Variants in SRP14 observed in about 807,000 individuals in gnomAD.
SRP14 encodes the protein signal recognition particle 14 kDa protein.
SRP14 carries 1 observed loss-of-function variant against 16.0 expected under a neutral mutation model. That is an observed-to-expected ratio of 0.06 (90% CI 0.02 to 0.30). The LOEUF (loss-of-function observed/expected upper bound fraction) is 0.30, where lower values mean the gene tolerates loss of function less well. Among genes scored for constraint, SRP14 ranks in the 10% least tolerant of loss-of-function variants. The probability of loss-of-function intolerance (pLI) is 1.00; values close to 1 mark genes in which losing one functional copy is unlikely to be tolerated. For synonymous variants in SRP14, 67 were observed against 60.1 expected (o/e 1.12, Z -0.53); for missense variants, 120 against 163.1 (o/e 0.74, Z 1.44).
Position 40,036,697 on chromosome 15 carries a change from T to C in SRP14, c.244-197A>G, listed in dbSNP as rs960770195. 5 of 684,682 alleles carry C rather than the reference T, an allele frequency of 7.3e-6. No individual in the cohort carries two copies. In the African/African-American group the frequency reaches 8.9e-5, roughly 12 times the overall value. The allele number at this position is 684,682 out of a possible 1,614,324, so 42.4% of individuals were successfully genotyped here. On this transcript the variant is annotated intron_variant, in intron 4 of 4. Transcript: ENST00000267884. ...AGCTTCTGCAACACCCACAGACAGTTGCACACATTTTTTACGTTTTTTTCC... is the reference window on the plus strand; with the variant it reads ...AGCTTCTGCAACACCCACAGACAGTCGCACACATTTTTTACGTTTTTTTCC...
In SRP14 at chr15:40,037,279, GAA is replaced by G. The variant is rs3215044; in HGVS notation, c.211-263_211-262del. ...TGAAAGGCAGTAGGCTCCTTTTGGG[GAA>G]AAAAAAAAAAAAAGCTTTGTTTCTC... is the stretch of plus-strand genomic sequence containing the variant. On this transcript the variant is annotated intron_variant, in intron 3 of 4. Transcript: ENST00000267884. The G allele has an allele frequency of 1.4e-3, 1,035 of 746,472 alleles. 2 individuals carry two copies. Among genetic ancestry groups the G allele is most frequent in the East Asian group, 8.2e-3 (91 of 11,100 alleles). 46.2% of individuals were successfully genotyped at this position (746,472 alleles called of 1,614,324 possible).
At chr15:40,037,131 ACTT>A (rs1298683054) in intron 3 of SRP14, 113 bp from the exon 4 acceptor site, 1 of 1,316,882 alleles carries the variant, frequency 7.6e-7, no homozygotes, top group African/African-American at 1.5e-5. Flanking sequence ...TCTTTAAAAT[ACTT>A]CTCCCCAACT....
Position 40,036,989 on chromosome 15 carries a change from C to T in SRP14, c.240G>A (p.Gln80=). The T allele has an allele frequency of 6.2e-7, 1 of 1,614,014 alleles. No individual in the cohort carries two copies. Among genetic ancestry groups the T allele is most frequent in the African/African-American group, 1.3e-5 (1 of 75,018 alleles). The change falls in exon 4 of 5, where the codon CAG becomes CAA. Residue 80 remains glutamine (Q), a synonymous_variant. Coordinates refer to ENST00000267884, the MANE Select transcript of SRP14 (RefSeq NM_003134.6). ...ATAAGGAACACCCAAAACTCACCAT[C>T]TGAAACTTATTCACTTCCTTGGAGC... ...VVSSKEVNKF[Q]MAYSNLLRAN...
At position 40,038,268 on chromosome 15, in the gene SRP14, G is replaced by A. The variant is rs1273643542; in HGVS notation, c.210+14C>T. 5 of 1,585,108 alleles carry A rather than the reference G, an allele frequency of 3.2e-6. No homozygotes were observed. The highest frequency in any genetic ancestry group is 4.3e-6 in the Non-Finnish European group (5 of 1,153,896). Reference sequence around the variant, plus strand: ...CTTTACATTTCAAAAGACAGCCTTAGAAATTAAGCTCACCACAGTGCTGAT... The same window carrying A: ...CTTTACATTTCAAAAGACAGCCTTAAAAATTAAGCTCACCACAGTGCTGAT... On this transcript the variant is annotated intron_variant, in intron 3 of 4. Transcript: ENST00000267884.
chr15:40,036,707 T>C, intron 4 of SRP14: 1 of 664,036 alleles, frequency 1.5e-6, no homozygotes, highest in East Asian at 2.7e-5. Context: ...TGCACACATT[T>C]TTTACGTTTT....
At chr15:40,036,675 T>G in intron 4 of SRP14, 175 bp from the exon 5 acceptor site, 1 of 728,054 alleles carries the variant, frequency 1.4e-6, no homozygotes, top group Non-Finnish European at 2.3e-6. Context: ...TTATAGCAGC[T>G]TCTGCAACAC....
chr15:40,038,438 G>A, intron 2 of SRP14, 44 bp from the exon 3 acceptor site: 1 of 1,339,742 alleles, frequency 7.5e-7, no homozygotes, highest in South Asian at 1.2e-5. Flanking sequence ...CGCGTACGTG[G>A]CTGAGCGGCA....
rs2035636970 is a variant in SRP14, at chr15:40,037,103, C to CG, written c.211-86dup. 10 of 1,466,258 alleles carry CG rather than the reference C, an allele frequency of 6.8e-6. 1 individual carries two copies. In the Admixed American group the frequency reaches 2.1e-4, roughly 30 times the overall value. 90.8% of individuals were successfully genotyped at this position (1,466,258 alleles called of 1,614,324 possible). On this transcript the variant is annotated intron_variant, in intron 3 of 4. Transcript: ENST00000267884. Reference sequence around the variant, plus strand: ...CCCCAGATAGTATCTCAAAAGCCTCCGGAAGACAATATCCTTATCTTTAAA... The same window carrying CG: ...CCCCAGATAGTATCTCAAAAGCCTCCGGGAAGACAATATCCTTATCTTTAAA...
intron 3 of SRP14, 130 bp downstream of exon 3, chr15:40,038,152 G>A (rs1367847253): frequency 1.4e-6 from 1 of 704,252 alleles, no homozygotes; most frequent in Admixed American, 2.6e-5. Flanking sequence ...GTATAGGAAG[G>A]TCCTGGTCTC....
rs1289029516 is a variant in SRP14, at chr15:40,036,398, C to T, written c.346G>A (p.Ala116Thr). ...GGTGCTGTTGCTGCTGCGGCAGGTG[C>T]TGCTGCTGCTGCTGCTGCTGCTGCT... ...TKAAAAAAAA[A>T]PAAAATAPTT... The change falls in exon 5 of 5, where the codon GCA becomes ACA. Residue 116 changes from alanine to threonine, a missense_variant. By Grantham distance (58) the Ala-to-Thr change is moderately conservative (BLOSUM62 0). This residue lies in a region of SRP14 where 43 missense variants were observed against 37.0 expected (regional missense o/e 1.16). Coordinates refer to ENST00000267884, the MANE Select transcript of SRP14 (RefSeq NM_003134.6). 15 of 1,135,232 alleles carry T rather than the reference C, an allele frequency of 1.3e-5. No individual in the cohort carries two copies. Among genetic ancestry groups the T allele is most frequent in the South Asian group, 3.1e-5 (2 of 64,590 alleles). 70.3% of individuals were successfully genotyped at this position (1,135,232 alleles called of 1,614,324 possible).
At chr15:40,038,104 T>C (rs1317514454) in intron 3 of SRP14, among the ~76,000 whole-genome samples, 178 bp downstream of exon 3, 1 of 152,266 alleles carries the variant, frequency 6.6e-6, no homozygotes, top group Non-Finnish European at 1.5e-5. Flanking sequence ...GTCTGACCTC[T>C]ACCTTCTTAT....
In SRP14 at chr15:40,036,308, G is replaced by T. The variant is rs1469826405; in HGVS notation, c.*25C>A. ...AAAAATAGCAATTCAGTGGTTAATT[G>T]GTGAAAGCAGGAAATGTATGCCCTT... On this transcript the variant is annotated 3_prime_UTR_variant, in exon 5 of 5. Transcript: ENST00000267884. The T allele has an allele frequency of 6.2e-7, 1 of 1,610,706 alleles. No homozygotes were observed. The highest frequency in any genetic ancestry group is 1.7e-4 in the Middle Eastern group (1 of 6,048).
intron 3 of SRP14, chr15:40,037,325 G>T: frequency 8.2e-7 from 1 of 1,214,732 alleles, no homozygotes; most frequent in Non-Finnish European, 1.1e-6. Context: ...AAATCCCTTA[G>T]AAAGGTGGCA....
In SRP14 at chr15:40,039,095, G is replaced by C; in HGVS notation, c.22C>G (p.Gln8Glu). 6.2e-7 allele frequency: 1 copy of C among 1,612,624 alleles called. No individual in the cohort carries two copies. Among genetic ancestry groups the C allele is most frequent in the Non-Finnish European group, 8.5e-7 (1 of 1,179,652 alleles). Reference protein sequence around the residue: MVLLESEQFLTELTRLFQ... With the variant: MVLLESEEFLTELTRLFQ... Reference sequence around the variant, plus strand: ...CGGCCGGCCAGGCCTAGCCATACCTGCTCGCTCTCCAACAACACCATCGCG... The same window carrying C: ...CGGCCGGCCAGGCCTAGCCATACCTCCTCGCTCTCCAACAACACCATCGCG... The change falls in exon 1 of 5, where the codon CAG becomes GAG. Residue 8 changes from glutamine (Q) to glutamate (E), a missense_variant and splice_region_variant. This residue lies in a region of SRP14 where 33 missense variants were observed against 33.0 expected (regional missense o/e 1.00). Coordinates refer to ENST00000267884, the MANE Select transcript of SRP14 (RefSeq NM_003134.6).
intron 3 of SRP14, 169 bp from the exon 4 acceptor site, chr15:40,037,187 T>C (rs2035638179): frequency 8.2e-7 from 1 of 1,220,250 alleles, no homozygotes; most frequent in African/African-American, 1.6e-5. Context: ...CTACTCTACT[T>C]TCCTCTGCCT....
Position 40,038,911 on chromosome 15 carries a change from C to T in SRP14, c.62G>A (p.Arg21Gln). Reference protein sequence around the residue: ...TELTRLFQKCRTSGSVYITLK... With the variant: ...TELTRLFQKCQTSGSVYITLK... ...GGTGATATAGACGCTGCCCGACGTC[C>T]GGCACTTCTGGAAAAGTCTGGTCAG... is the stretch of plus-strand genomic sequence containing the variant. The change falls in exon 2 of 5, where the codon CGG becomes CAG. Residue 21 changes from arginine (R) to glutamine (Q), a missense_variant. Physicochemically the swap from Arg to Gln is conservative, Grantham distance 43. Transcript: ENST00000267884. 6.2e-7 allele frequency: 1 copy of T among 1,613,674 alleles called. No homozygotes were observed. Among genetic ancestry groups the T allele is most frequent in the Non-Finnish European group, 8.5e-7 (1 of 1,179,862 alleles).
chr15:40,038,257 A>C (rs1250196048), intron 3 of SRP14, 25 bp downstream of exon 3: 5 of 1,549,476 alleles, frequency 3.2e-6, no homozygotes, highest in East Asian at 2.2e-5. Flanking sequence ...ACATTTCAAA[A>C]GACAGCCTTA....
chr15:40,038,741 C>G (rs1461599056), intron 2 of SRP14, 135 bp downstream of exon 2: 9 of 928,790 alleles, frequency 9.7e-6, no homozygotes, highest in African/African-American at 3.3e-5. Flanking sequence ...ATTTTCCGGG[C>G]CCGAAGCCCC....
intron 3 of SRP14, among the ~76,000 whole-genome samples, chr15:40,037,557 T>G (rs1425714633): frequency 6.6e-6 from 1 of 151,074 alleles, no homozygotes; most frequent in Non-Finnish European, 1.5e-5. Context: ...ATATCTAACT[T>G]AATCTGTAAA....
Sources: gnomAD v4.1 joint callset for allele counts (sites outside exome capture counted in the v4.1 genomes callset) on GRCh38, gnomAD v4.1.1 for gene constraint, gnomAD v4.1.1 regional missense constraint, MANE v1.5 for transcripts, NCBI Gene and HGNC (gene_info 2026-07-23, HGNC 2026-07-21) for gene names.